ING5: variants seen among roughly 807,000 people sequenced by gnomAD.
ING5 encodes the protein inhibitor of growth family member 5, also known as inhibitor of growth protein 5.
A neutral mutation model predicts 37.4 loss-of-function variants in ING5; 17 were observed. The ratio of observed to expected loss-of-function variants is 0.45; its 90% CI spans 0.31 to 0.68. The LOEUF (loss-of-function observed/expected upper bound fraction) is 0.68. Among genes scored for constraint, ING5 ranks in the 30% least tolerant of loss-of-function variants. The pLI, the probability that ING5 is intolerant of heterozygous loss-of-function variation, is 0.05. For missense variants in ING5, 233 were observed against 311.9 expected, an observed-to-expected ratio of 0.75 and a Z score of 1.91; for synonymous variants, 123 against 116.6, an observed-to-expected ratio of 1.06 and a Z score of -0.36.
intron 5 of ING5, chr2:241,722,484 G>T: frequency 1.0e-6 from 1 of 985,362 alleles, no homozygotes; most frequent in Non-Finnish European, 1.2e-6. Context: ...CCCGAAGGTG[G>T]GCGCGAGGTC....
chr2:241,722,332 C>G (rs1437690184), intron 5 of ING5: 1 of 985,220 alleles, frequency 1.0e-6, no homozygotes, highest in African/African-American at 1.7e-5. Flanking sequence ...CCAGAGGTCC[C>G]CGGGGGAGTC....
chr2:241,710,187 A>G (rs184985540), intron 3 of ING5, among the ~76,000 whole-genome samples: 34 of 152,186 alleles, frequency 2.2e-4, no homozygotes, highest in Admixed American at 1.5e-3. Flanking sequence ...GCTCACTGCA[A>G]CCTGTGCCTC....
chr2:241,699,072 T>G (rs1268312391), upstream of ING5, among the ~76,000 whole-genome samples: 1 of 148,508 alleles, frequency 6.7e-6, no homozygotes, highest in South Asian at 2.1e-4. Flanking sequence ...TAGCCCAGGC[T>G]GGAGTGCAAT....
At chr2:241,706,639 A>G (rs1357412563) in intron 2 of ING5, among the ~76,000 whole-genome samples, 4 of 151,676 alleles carry the variant, frequency 2.6e-5, no homozygotes, top group East Asian at 1.9e-4. Flanking sequence ...AAAAAAAAAA[A>G]AAAAGAAAAA....
chr2:241,706,648 AAAAG>A (rs2069922579), intron 2 of ING5, among the ~76,000 whole-genome samples: 2 of 151,818 alleles, frequency 1.3e-5, no homozygotes, highest in African/African-American at 4.8e-5. Context: ...AAAAAAGAAA[AAAAG>A]GAAGGTAGAT....
At chr2:241,723,695 T>A in intron 7 of ING5, 1 of 1,476,652 alleles carries the variant, frequency 6.8e-7, no homozygotes, top group Non-Finnish European at 9.3e-7. Flanking sequence ...TCTGGGGCTC[T>A]GCCCCTGGCT....
intron 1 of ING5, among the ~76,000 whole-genome samples, chr2:241,704,225 C>T (rs753143876): frequency 3.7e-4 from 57 of 152,254 alleles, no homozygotes; most frequent in Admixed American, 1.4e-3. Flanking sequence ...CCTTCCGCTC[C>T]GCAAACCCTG....
chr2:241,710,336 T>C (rs1379595252), intron 3 of ING5, among the ~76,000 whole-genome samples: 1 of 152,244 alleles, frequency 6.6e-6, no homozygotes, highest in East Asian at 1.9e-4. Flanking sequence ...AGGGCCTCAC[T>C]GTGTCGCCCA....
chr2:241,702,039 A>G lies in ING5; in HGVS notation c.-27A>G, dbSNP rs2069742664. The G allele has an allele frequency of 7.3e-7, 1 of 1,362,942 alleles. No individual in the cohort carries two copies. The highest frequency in any genetic ancestry group is 9.5e-7 in the Non-Finnish European group (1 of 1,053,970). The allele number at this position is 1,362,942 out of a possible 1,614,324, so 84.4% of individuals were successfully genotyped here. On this transcript the variant is annotated 5_prime_UTR_variant, in exon 1 of 8. Coordinates refer to ENST00000313552, the MANE Select transcript of ING5 (RefSeq NM_032329.6). ...CTCCCGCGGCACCGCCCGCCCGCGC[A>G]GACCCCGAGCGCGGCCGCGGACGAA...
At position 241,725,234 on chromosome 2, in the gene ING5, G is replaced by C; in HGVS notation, c.*203G>C. ...CGACCTTGCAGGGACTCGCCGCCGC[G>C]ACCTCAGTGTGGCTTTTACAGGACT... On this transcript the variant is annotated 3_prime_UTR_variant, in exon 8 of 8. Transcript: ENST00000313552. 1.6e-6 allele frequency: 1 copy of C among 609,474 alleles called. No homozygotes were observed. The highest frequency in any genetic ancestry group is 2.9e-5 in the East Asian group (1 of 34,920). 37.8% of individuals were successfully genotyped at this position (609,474 alleles called of 1,614,324 possible). A position where few individuals can be genotyped will look rare whatever the true frequency, so the allele number is the denominator to read the frequency against.
Position 241,719,760 on chromosome 2 carries a change from G to A in ING5, c.483-3179G>A, listed in dbSNP as rs1166694647. The A allele has an allele frequency of 7.6e-6, 11 of 1,449,186 alleles. No homozygotes were observed. In the Admixed American group the frequency reaches 8.2e-5, roughly 11 times the overall value. 89.8% of individuals were successfully genotyped at this position (1,449,186 alleles called of 1,614,324 possible). A position where few individuals can be genotyped will look rare whatever the true frequency, so the allele number is the denominator to read the frequency against. ...ACAGCCAGCACCTCTGCAAACACAG[G>A]AAGATCCACTGTGGCCTCATGGCTT... is the stretch of plus-strand genomic sequence containing the variant. On this transcript the variant is annotated intron_variant, in intron 5 of 7. Transcript: ENST00000313552.
At position 241,726,158 on chromosome 2, in the gene ING5, T is replaced by A. The variant is rs938298225; in HGVS notation, c.*1127T>A. The A allele has an allele frequency of 6.6e-6, 1 of 152,346 alleles. No homozygotes were observed. Among genetic ancestry groups the A allele is most frequent in the African/African-American group, 2.4e-5 (1 of 41,446 alleles). The allele number at this position is 152,346 out of a possible 1,614,324, so 9.4% of individuals were successfully genotyped here. A position where few individuals can be genotyped will look rare whatever the true frequency, so the allele number is the denominator to read the frequency against. ...GCATCGCAGGCGCTCGGAAATCCTC[T>A]CCCGTGCCTTTAGAGGAAGGAGAGG... On this transcript the variant is annotated 3_prime_UTR_variant, in exon 8 of 8. Transcript: ENST00000313552.
At chr2:241,722,509 G>C (rs1194919517) in intron 5 of ING5, 1 of 985,346 alleles carries the variant, frequency 1.0e-6, no homozygotes, top group African/African-American at 1.7e-5. Context: ...CCCCTCTGCT[G>C]CCAGCTGCTG....
At chr2:241,702,020 C>A, upstream of ING5, 2 of 1,329,820 alleles carry the variant, frequency 1.5e-6, no homozygotes, top group Non-Finnish European at 1.9e-6. Context: ...CCGCCTCCCG[C>A]GGCACCGCCC....
chr2:241,717,317 C>T (rs577892879), intron 5 of ING5, among the ~76,000 whole-genome samples: 25 of 152,314 alleles, frequency 1.6e-4, no homozygotes, highest in African/African-American at 4.1e-4. Flanking sequence ...GTGACCCTCT[C>T]GCCTCAGCCT....
chr2:241,702,020 C>T (rs1482000001), upstream of ING5: 5 of 1,329,824 alleles, frequency 3.8e-6, no homozygotes, highest in Non-Finnish European at 1.9e-6. Context: ...CCGCCTCCCG[C>T]GGCACCGCCC....
intron 5 of ING5, chr2:241,719,915 G>A (rs935266413): frequency 1.3e-5 from 17 of 1,314,118 alleles, no homozygotes; most frequent in South Asian, 2.5e-5. Flanking sequence ...CGACAGTTGC[G>A]GGGCCCTGCG....
chr2:241,711,036 G>A (rs1238298377), intron 3 of ING5, among the ~76,000 whole-genome samples: 6 of 152,214 alleles, frequency 3.9e-5, no homozygotes, highest in Middle Eastern at 3.4e-3. Flanking sequence ...GGTGTGAGCC[G>A]CTGCACCTGG....
intron 7 of ING5, 33 bp downstream of exon 7, chr2:241,723,304 C>T (rs1430044753): frequency 1.9e-6 from 3 of 1,607,552 alleles, no homozygotes; most frequent in Non-Finnish European, 2.6e-6. Flanking sequence ...TGTTTTCTCC[C>T]AGTCTGCTGG....
Sources: gnomAD v4.1 joint callset for allele counts (sites outside exome capture counted in the v4.1 genomes callset) on GRCh38, gnomAD v4.1.1 for gene constraint, MANE v1.5 for transcripts, NCBI Gene and HGNC (gene_info 2026-07-23, HGNC 2026-07-21) for gene names.